Variants in ZBTB20 observed in about 807,000 individuals in gnomAD.
ZBTB20 encodes zinc finger and BTB domain containing 20.
A neutral mutation model predicts 56.9 loss-of-function variants in ZBTB20; 9 were observed. The ratio of observed to expected loss-of-function variants is 0.16; its 90% CI spans 0.10 to 0.28. The LOEUF (loss-of-function observed/expected upper bound fraction) is 0.28, where lower values mean the gene tolerates loss of function less well. Among genes scored for constraint, ZBTB20 ranks in the 10% least tolerant of loss-of-function variants. The probability of loss-of-function intolerance (pLI) is 1.00; values close to 1 mark genes in which losing one functional copy is unlikely to be tolerated. For synonymous variants in ZBTB20, 417 were observed against 420.7 expected, an observed-to-expected ratio of 0.99 and a Z score of 0.11; for missense variants, 655 against 1,003.0, an observed-to-expected ratio of 0.65 and a Z score of 4.69.
At chr3:114,400,783 G>A (rs1427939498) in intron 7 of ZBTB20, among the ~76,000 whole-genome samples, 3 of 151,846 alleles carry the variant, frequency 2.0e-5, no homozygotes, top group African/African-American at 7.3e-5. Flanking sequence ...ATTTCACCTG[G>A]CAGCCCCAAG....
intron 7 of ZBTB20, among the ~76,000 whole-genome samples, chr3:114,420,596 A>G (rs1343303613): frequency 6.6e-6 from 1 of 152,104 alleles, no homozygotes; most frequent in East Asian, 1.9e-4. Context: ...GAAGAATACT[A>G]TCCAGTCTTT....
intron 6 of ZBTB20, among the ~76,000 whole-genome samples, chr3:114,675,220 T>C (rs1219142794): frequency 2.0e-5 from 3 of 151,884 alleles, no homozygotes; most frequent in South Asian, 2.1e-4. Context: ...GTCATCAAAG[T>C]GGAAAAACTG....
intron 1 of ZBTB20, among the ~76,000 whole-genome samples, chr3:115,083,546 C>T (rs554391399): frequency 1.3e-5 from 2 of 152,064 alleles, no homozygotes; most frequent in South Asian, 2.1e-4. Flanking sequence ...GAGTATTATA[C>T]TTTTTATAGA....
At chr3:115,076,168 T>A (rs1162003380) in intron 1 of ZBTB20, among the ~76,000 whole-genome samples, 1 of 152,320 alleles carries the variant, frequency 6.6e-6, no homozygotes. Flanking sequence ...ATTGTTAAAA[T>A]GTCCATACCC....
chr3:114,631,170 G>A (rs926032520), intron 6 of ZBTB20, among the ~76,000 whole-genome samples: 2 of 151,972 alleles, frequency 1.3e-5, no homozygotes, highest in African/African-American at 2.4e-5. Context: ...TGACCTAAAT[G>A]TATGCATCAG....
chr3:114,434,524 T>C (rs1390559455), intron 7 of ZBTB20, among the ~76,000 whole-genome samples: 2 of 105,682 alleles, frequency 1.9e-5, no homozygotes, highest in Non-Finnish European at 3.8e-5. Flanking sequence ...TCATGAAGAG[T>C]AGCCTTCTGC....
chr3:114,949,323 A>G (rs2076985261), intron 3 of ZBTB20, among the ~76,000 whole-genome samples: 1 of 146,450 alleles, frequency 6.8e-6, no homozygotes, highest in Admixed American at 6.6e-5. Flanking sequence ...AAGATTCTAG[A>G]AGATAACAAA....
intron 6 of ZBTB20, among the ~76,000 whole-genome samples, chr3:114,527,915 T>C (rs1010125294): frequency 1.3e-5 from 2 of 152,104 alleles, no homozygotes; most frequent in Non-Finnish European, 2.9e-5. Flanking sequence ...GACTTCTAGA[T>C]GTGGGTCTTA....
intron 2 of ZBTB20, among the ~76,000 whole-genome samples, chr3:115,030,838 A>T (rs1409465576): frequency 6.6e-6 from 1 of 151,246 alleles, no homozygotes; most frequent in Non-Finnish European, 1.5e-5. Context: ...TTTTTAAATG[A>T]TTTCTCATTT....
At chr3:114,537,376 T>C (rs145272406) in intron 6 of ZBTB20, among the ~76,000 whole-genome samples, 4,056 of 152,090 alleles carry the variant, frequency 0.027, 137 homozygotes, top group African/African-American at 0.074. Context: ...TCAACGAACA[T>C]ATGAAAAAAA....
intron 6 of ZBTB20, among the ~76,000 whole-genome samples, chr3:114,686,432 A>G (rs2062347845): frequency 6.6e-6 from 1 of 152,144 alleles, no homozygotes; most frequent in African/African-American, 2.4e-5. Flanking sequence ...AGCAAATAAA[A>G]TATCCATTTC....
intron 7 of ZBTB20, among the ~76,000 whole-genome samples, chr3:114,408,412 A>G (rs2087553208): frequency 2.0e-5 from 3 of 152,206 alleles, no homozygotes; most frequent in Non-Finnish European, 2.9e-5. Context: ...CATTCACAAC[A>G]TTGCTAATGT....
chr3:114,981,774 C>G (rs1432606557), intron 2 of ZBTB20, among the ~76,000 whole-genome samples: 1 of 151,944 alleles, frequency 6.6e-6, no homozygotes, highest in Non-Finnish European at 1.5e-5. Context: ...GATTTATGCC[C>G]CCGTCAATCT....
At chr3:114,964,477 A>T (rs1476047270) in intron 3 of ZBTB20, among the ~76,000 whole-genome samples, 1 of 152,194 alleles carries the variant, frequency 6.6e-6, no homozygotes, top group African/African-American at 2.4e-5. Context: ...AATCATACTC[A>T]TGCATTAAGA....
chr3:114,866,738 T>C (rs1411737075), intron 4 of ZBTB20, among the ~76,000 whole-genome samples: 1 of 152,096 alleles, frequency 6.6e-6, no homozygotes, highest in Non-Finnish European at 1.5e-5. Context: ...GTCTTCAGAC[T>C]CAAACTGGAA....
intron 6 of ZBTB20, among the ~76,000 whole-genome samples, chr3:114,611,694 C>T (rs2057566028): frequency 6.6e-6 from 1 of 152,086 alleles, no homozygotes; most frequent in South Asian, 2.1e-4. Flanking sequence ...TTGAAATGTC[C>T]CTTTTTGATC....
chr3:115,043,484 G>A (rs1035025420), intron 2 of ZBTB20, among the ~76,000 whole-genome samples: 8 of 151,422 alleles, frequency 5.3e-5, no homozygotes, highest in African/African-American at 1.2e-4. Flanking sequence ...CAAGAGACTC[G>A]CTTGAAACCA....
chr3:114,481,359 C>T (rs1209822718), intron 7 of ZBTB20, among the ~76,000 whole-genome samples: 4 of 151,994 alleles, frequency 2.6e-5, no homozygotes, highest in Non-Finnish European at 5.9e-5. Context: ...CTAGTGCTGC[C>T]CCATTTACTA....
Position 114,453,921 on chromosome 3 carries a change from TCC to T in ZBTB20, c.-255+46429_-255+46430del, listed in dbSNP as rs71616313. Among the ~76,000 whole-genome samples the T allele has an allele frequency of 6.1e-3, 491 of 80,340 alleles. 19 individuals carry two copies. Among genetic ancestry groups the T allele is most frequent in the Admixed American group, 0.034 (237 of 6,918 alleles). The allele number at this position is 80,340 out of a possible 152,430, so 52.7% of individuals were successfully genotyped here. A position where few individuals can be genotyped will look rare whatever the true frequency, so the allele number is the denominator to read the frequency against. On this transcript the variant is annotated intron_variant, in intron 7 of 11. Coordinates refer to ENST00000675478, the MANE Select transcript of ZBTB20 (RefSeq NM_001348800.3). ...AACATATATCAGACATTAAGCTCAC[TCC>T]CCCCCCCCCCACCCTTCCCTTTGTA...
Sources: gnomAD v4.1 joint callset for allele counts (sites outside exome capture counted in the v4.1 genomes callset) on GRCh38, gnomAD v4.1.1 for gene constraint, MANE v1.5 for transcripts, NCBI Gene and HGNC (gene_info 2026-07-23, HGNC 2026-07-21) for gene names.